FSHR: variants seen among roughly 807,000 people sequenced by gnomAD.
FSHR encodes the protein follicle stimulating hormone receptor.
FSHR carries 46 observed loss-of-function variants against 52.1 expected under a neutral mutation model. That is an observed-to-expected ratio of 0.88 (90% confidence interval 0.70 to 1.13). The LOEUF (loss-of-function observed/expected upper bound fraction) is 1.13. Ranked by LOEUF, FSHR falls within the 50% of genes most tolerant of loss-of-function variation. The probability of loss-of-function intolerance (pLI) is 0.00; values close to 1 mark genes in which losing one functional copy is unlikely to be tolerated. For synonymous variants in FSHR, 399 were observed against 309.6 expected (o/e 1.29, Z -3.03); for missense variants, 964 against 834.6 (o/e 1.16, Z -1.91).
In FSHR at chr2:48,963,543, C is replaced by G. The variant is rs749955186; in HGVS notation, c.1278G>C (p.Lys426Asn). 5 of 1,614,130 alleles carry G rather than the reference C, an allele frequency of 3.1e-6. No homozygotes were observed. In the East Asian group the frequency reaches 6.7e-5, roughly 22 times the overall value. The part of the protein sequence containing the change: ...LLIASVDIHT[K>N]SQYHNYAIDW... Reference sequence around the variant, plus strand: ...CAATGGCATAGTTGTGATATTGGCTCTTGGTATGGATATCAACTGATGCAA... The same window carrying G: ...CAATGGCATAGTTGTGATATTGGCTGTTGGTATGGATATCAACTGATGCAA... The change falls in exon 10 of 10, where the codon AAG (lysine) becomes AAC (asparagine). Residue 426 changes from lysine to asparagine, a missense_variant. Lys to Asn is a moderately conservative substitution (Grantham distance 94). Coordinates refer to ENST00000406846, the MANE Select transcript of FSHR (RefSeq NM_000145.4).
At chr2:49,010,664 C>G (rs1335722640) in intron 4 of FSHR, among the ~76,000 whole-genome samples, 1 of 150,986 alleles carries the variant, frequency 6.6e-6, no homozygotes, top group Non-Finnish European at 1.5e-5. Flanking sequence ...GTCCTGGACT[C>G]TTTTTGGTTG....
chr2:49,133,175 C>T (rs1452537608), intron 1 of FSHR, among the ~76,000 whole-genome samples: 3 of 152,036 alleles, frequency 2.0e-5, no homozygotes, highest in African/African-American at 4.8e-5. Context: ...ATCCTTATCC[C>T]AGCTGCCCGT....
chr2:49,133,687 A>G (rs986791533), intron 1 of FSHR, among the ~76,000 whole-genome samples: 3 of 152,178 alleles, frequency 2.0e-5, no homozygotes, highest in Non-Finnish European at 4.4e-5. Flanking sequence ...GGCTACAATA[A>G]CCAAAACAGC....
chr2:49,072,763 A>G (rs1669783935), intron 1 of FSHR, among the ~76,000 whole-genome samples: 1 of 152,150 alleles, frequency 6.6e-6, no homozygotes, highest in Admixed American at 6.5e-5. Flanking sequence ...TACTAGTAGC[A>G]AAAGGTTTAC....
At chr2:49,130,969 G>C (rs1209862834) in intron 1 of FSHR, among the ~76,000 whole-genome samples, 1 of 152,044 alleles carries the variant, frequency 6.6e-6, no homozygotes, top group Non-Finnish European at 1.5e-5. Context: ...TCTCTATTTA[G>C]TACAAAAAAA....
intron 1 of FSHR, among the ~76,000 whole-genome samples, chr2:49,130,819 G>C (rs186843514): frequency 6.6e-6 from 1 of 152,090 alleles, no homozygotes; most frequent in Admixed American, 6.6e-5. Flanking sequence ...GACATTCCTC[G>C]AGGCTGGCCA....
At chr2:49,149,681 C>T (rs1672994624) in intron 1 of FSHR, among the ~76,000 whole-genome samples, 1 of 151,978 alleles carries the variant, frequency 6.6e-6, no homozygotes, top group African/African-American at 2.4e-5. Flanking sequence ...TAAACAAAGA[C>T]TAACCTAGAC....
At chr2:49,100,409 T>G (rs1017568321) in intron 1 of FSHR, among the ~76,000 whole-genome samples, 1 of 152,266 alleles carries the variant, frequency 6.6e-6, no homozygotes, top group South Asian at 2.1e-4. Context: ...TTAAATAAAA[T>G]AAAATACTCA....
At chr2:49,012,741 T>A (rs955646489) in intron 4 of FSHR, among the ~76,000 whole-genome samples, 4 of 152,116 alleles carry the variant, frequency 2.6e-5, no homozygotes, top group African/African-American at 7.2e-5. Flanking sequence ...CCATTTTGCG[T>A]TTTTTCTCTT....
At chr2:49,115,781 T>C (rs912827885) in intron 1 of FSHR, among the ~76,000 whole-genome samples, 2 of 152,174 alleles carry the variant, frequency 1.3e-5, no homozygotes, top group African/African-American at 4.8e-5. Flanking sequence ...GGTCCAGTTA[T>C]AGTGCAAAGT....
chr2:49,052,112 T>C (rs907498677), intron 2 of FSHR, among the ~76,000 whole-genome samples: 2 of 152,112 alleles, frequency 1.3e-5, no homozygotes, highest in African/African-American at 4.8e-5. Flanking sequence ...GATAAAACAT[T>C]TTAAACAAAA....
intron 2 of FSHR, among the ~76,000 whole-genome samples, chr2:49,065,086 A>G (rs1240072860): frequency 6.6e-6 from 1 of 152,142 alleles, no homozygotes; most frequent in Non-Finnish European, 1.5e-5. Flanking sequence ...TAAATATGCA[A>G]TATGATGTCT....
At chr2:49,012,926 A>C (rs1667324236) in intron 4 of FSHR, among the ~76,000 whole-genome samples, 1 of 152,002 alleles carries the variant, frequency 6.6e-6, no homozygotes, top group South Asian at 2.1e-4. Context: ...TCTAATCCCC[A>C]CTGTAACTGT....
chr2:49,114,274 C>T (rs1187408840), intron 1 of FSHR, among the ~76,000 whole-genome samples: 1 of 152,184 alleles, frequency 6.6e-6, no homozygotes, highest in Non-Finnish European at 1.5e-5. Flanking sequence ...AAATGCTGAA[C>T]ATGGTGACTG....
chr2:48,983,465 C>T (rs554503980), intron 6 of FSHR, among the ~76,000 whole-genome samples: 5 of 152,328 alleles, frequency 3.3e-5, no homozygotes, highest in Admixed American at 3.3e-4. Flanking sequence ...AAGGTCTTTA[C>T]ACACATCATT....
chr2:48,970,994 T>C (rs1456476973), intron 8 of FSHR, among the ~76,000 whole-genome samples: 1 of 152,210 alleles, frequency 6.6e-6, no homozygotes, highest in African/African-American at 2.4e-5. Flanking sequence ...TGCAAAGGTC[T>C]TATAACTGCC....
At chr2:49,088,593 C>T (rs1670486679) in intron 1 of FSHR, among the ~76,000 whole-genome samples, 2 of 152,160 alleles carry the variant, frequency 1.3e-5, no homozygotes, top group Non-Finnish European at 2.9e-5. Flanking sequence ...CGCATTGTGC[C>T]TCTAAAGCAG....
chr2:48,990,492 T>TTGGAGGATGTAGACTACAC, intron 5 of FSHR, 74 bp downstream of exon 5: 1 of 970,668 alleles, frequency 1.0e-6, no homozygotes, highest in Non-Finnish European at 1.7e-6. Flanking sequence ...CAATGCATAT[T>TTGGAGGATGTAGACTACAC]AAAGGCCCAG....
At chr2:49,151,705 T>C (rs759173666) in intron 1 of FSHR, among the ~76,000 whole-genome samples, 6 of 152,146 alleles carry the variant, frequency 3.9e-5, no homozygotes, top group Admixed American at 2.0e-4. Flanking sequence ...CTACACCTCA[T>C]GTAATCATTA....
Sources: allele counts gnomAD v4.1 joint callset (sites outside exome capture counted in the v4.1 genomes callset), GRCh38; gene constraint gnomAD v4.1.1; transcripts MANE v1.5; gene names NCBI Gene and HGNC (gene_info 2026-07-23, HGNC 2026-07-21).